The following VTI1A variants were observed in gnomAD, a reference collection of about 807,000 sequenced individuals.
VTI1A encodes vesicle transport through interaction with t-SNAREs 1A.
In VTI1A, 22 loss-of-function variants were observed where a neutral mutation model predicts 34.9. The ratio of observed to expected loss-of-function variants is 0.63; its 90% CI spans 0.45 to 0.90. VTI1A has a LOEUF of 0.90. VTI1A is among the 40% of genes least tolerant of loss of function. VTI1A has a pLI of 0.00. For missense variants in VTI1A, 268 were observed against 275.6 expected, an observed-to-expected ratio of 0.97 and a Z score of 0.20; for synonymous variants, 87 against 97.3, an observed-to-expected ratio of 0.89 and a Z score of 0.62.
At chr10:112,636,801 G>A (rs1846372067) in intron 5 of VTI1A, among the ~76,000 whole-genome samples, 1 of 151,096 alleles carries the variant, frequency 6.6e-6, no homozygotes, top group Non-Finnish European at 1.5e-5. Context: ...AGAGGGTGCA[G>A]TCAGTATAAA....
chr10:112,837,259 G>A, the VTI1A span, among the ~76,000 whole-genome samples: 1 of 152,148 alleles, frequency 6.6e-6, no homozygotes, highest in Non-Finnish European at 1.5e-5. Context: ...CCTGGGAGGT[G>A]GAGGTTGCAG....
chr10:112,573,356 C>T (rs1011884048), intron 5 of VTI1A, among the ~76,000 whole-genome samples: 13 of 151,992 alleles, frequency 8.6e-5, no homozygotes, highest in African/African-American at 3.1e-4. Flanking sequence ...TGTCTAGTAC[C>T]CTGCACTTAA....
intron 7 of VTI1A, among the ~76,000 whole-genome samples, chr10:112,697,432 T>C (rs981579458): frequency 6.7e-6 from 1 of 149,666 alleles, no homozygotes; most frequent in Non-Finnish European, 1.5e-5. Flanking sequence ...AGTGTTTAGC[T>C]CTTGTTGCCC....
intron 3 of VTI1A, among the ~76,000 whole-genome samples, chr10:112,522,577 G>A (rs1410390618): frequency 2.0e-5 from 3 of 152,076 alleles, no homozygotes; most frequent in African/African-American, 7.2e-5. Context: ...CTGTGATACA[G>A]ATGTTAGAAA....
chr10:112,584,782 G>C (rs775427959), intron 5 of VTI1A, among the ~76,000 whole-genome samples: 1 of 152,162 alleles, frequency 6.6e-6, no homozygotes, highest in Admixed American at 6.6e-5. Flanking sequence ...AGGAAATGTA[G>C]GCGCAGGAGG....
rs543119158 is a variant in VTI1A at position 112,607,725 on chromosome 10, T to G, written c.428-60493T>G. Reference sequence around the variant, plus strand: ...TCTCTCGGACTCATGAGGTTATAATTAACTGTAGGCTGGGGCTGTAGTCAT... The same window carrying G: ...TCTCTCGGACTCATGAGGTTATAATGAACTGTAGGCTGGGGCTGTAGTCAT... On this transcript the variant is annotated intron_variant, in intron 5 of 7. Coordinates refer to ENST00000393077, the MANE Select transcript of VTI1A (RefSeq NM_145206.4). Among the ~76,000 whole-genome samples the G allele has an allele frequency of 2.0e-5, 3 of 152,224 alleles. No individual in the cohort carries two copies. In the East Asian group the frequency reaches 5.8e-4, roughly 29 times the overall value.
chr10:112,505,652 T>A (rs149414884), intron 3 of VTI1A, among the ~76,000 whole-genome samples: 4 of 152,222 alleles, frequency 2.6e-5, no homozygotes, highest in Non-Finnish European at 5.9e-5. Context: ...TGCTTACTTC[T>A]TGCCTTCTGT....
Position 112,815,352 on chromosome 10 carries a change from TG to T in VTI1A, c.625del (p.Ala209ArgfsTer16). 2 of 1,614,154 alleles carry T rather than the reference TG, an allele frequency of 1.2e-6. No homozygotes were observed. Among genetic ancestry groups the T allele is most frequent in the Non-Finnish European group, 1.7e-6 (2 of 1,180,014 alleles). ...LGIIVVITILMAITFSVRRH is the reference protein window; with the variant it reads ...LGIIVVITILXAITFSVRRH ...ATCATCGTGGTCATCACCATCCTGA[TG>T]GCGATCACTTTTTCTGTCAGAAGAC... On this transcript the variant is annotated frameshift_variant, in exon 8 of 8. Coordinates refer to ENST00000393077, the MANE Select transcript of VTI1A (RefSeq NM_145206.4). LOFTEE classifies it high-confidence loss of function.
chr10:112,823,096 C>T (rs1853683369), downstream of VTI1A, among the ~76,000 whole-genome samples: 1 of 152,224 alleles, frequency 6.6e-6, no homozygotes, highest in South Asian at 2.1e-4. Flanking sequence ...AATTACTAGG[C>T]AAAATCTTCT....
chr10:112,794,923 C>T (rs1246801140), intron 7 of VTI1A, among the ~76,000 whole-genome samples: 3 of 152,170 alleles, frequency 2.0e-5, no homozygotes, highest in Non-Finnish European at 4.4e-5. Context: ...CCTCAACTCA[C>T]CGATATTATA....
intron 7 of VTI1A, among the ~76,000 whole-genome samples, chr10:112,770,981 A>G (rs1851798968): frequency 6.6e-6 from 1 of 152,136 alleles, no homozygotes; most frequent in Non-Finnish European, 1.5e-5. Flanking sequence ...CTCTAAAGAC[A>G]TTTCTGGCTC....
intron 7 of VTI1A, among the ~76,000 whole-genome samples, chr10:112,745,852 G>A (rs1260899297): frequency 1.3e-5 from 2 of 152,208 alleles, no homozygotes; most frequent in Non-Finnish European, 2.9e-5. Context: ...ATGAAGCTGA[G>A]AAGCCACATG....
intron 5 of VTI1A, among the ~76,000 whole-genome samples, chr10:112,539,006 T>C (rs1223350830): frequency 6.6e-6 from 1 of 152,228 alleles, no homozygotes; most frequent in Non-Finnish European, 1.5e-5. Flanking sequence ...CTACTTAAAA[T>C]GAACATGCTT....
chr10:112,537,899 C>T (rs181372921), intron 4 of VTI1A, among the ~76,000 whole-genome samples: 42 of 152,228 alleles, frequency 2.8e-4, no homozygotes, highest in Admixed American at 2.0e-3. Context: ...AAATAGGGAA[C>T]GTAGATCTAT....
At chr10:112,647,791 C>T (rs1446788303) in intron 5 of VTI1A, among the ~76,000 whole-genome samples, 1 of 152,020 alleles carries the variant, frequency 6.6e-6, no homozygotes, top group Non-Finnish European at 1.5e-5. Flanking sequence ...TTTTTTGAGA[C>T]AAAGTTTCAC....
At chr10:112,549,607 G>T (rs1486274227) in intron 5 of VTI1A, among the ~76,000 whole-genome samples, 2 of 152,112 alleles carry the variant, frequency 1.3e-5, no homozygotes, top group African/African-American at 4.8e-5. Context: ...AGAAAAAATT[G>T]TCTATAGAAA....
intron 7 of VTI1A, among the ~76,000 whole-genome samples, chr10:112,669,715 A>G (rs567075667): frequency 3.9e-5 from 6 of 152,312 alleles, no homozygotes; most frequent in Admixed American, 3.9e-4. Context: ...TGAACGAGAA[A>G]CATTGAGAAT....
intron 5 of VTI1A, among the ~76,000 whole-genome samples, chr10:112,643,945 C>T (rs189395213): frequency 3.5e-4 from 53 of 151,406 alleles, no homozygotes; most frequent in African/African-American, 1.2e-3. Context: ...CCAGAAACAC[C>T]GTATATTTTA....
intron 5 of VTI1A, among the ~76,000 whole-genome samples, chr10:112,558,727 A>G (rs1350742597): frequency 1.3e-5 from 2 of 152,196 alleles, no homozygotes; most frequent in South Asian, 2.1e-4. Context: ...AAAGGTGCCC[A>G]TATCTCAATT....
Sources: gnomAD v4.1 joint callset for allele counts (sites outside exome capture counted in the v4.1 genomes callset) on GRCh38, gnomAD v4.1.1 for gene constraint, MANE v1.5 for transcripts, NCBI Gene and HGNC (gene_info 2026-07-23, HGNC 2026-07-21) for gene names.